RAB3C: variants seen among roughly 807,000 people sequenced by gnomAD.
The protein encoded by RAB3C is ras-related protein Rab-3C.
Under a neutral mutation model 26.4 loss-of-function variants are expected in RAB3C, and 17 were observed. The ratio of observed to expected loss-of-function variants is 0.64; its 90% CI spans 0.44 to 0.97. RAB3C has a LOEUF of 0.97. Among genes scored for constraint, RAB3C ranks in the 50% least tolerant of loss-of-function variants. The pLI is 0.00. For missense variants in RAB3C, 242 were observed against 281.9 expected (o/e 0.86, Z 1.01); for synonymous variants, 91 against 95.9 (o/e 0.95, Z 0.30).
chr5:58,665,490 T>G (rs1275280178), intron 2 of RAB3C, among the ~76,000 whole-genome samples: 1 of 152,144 alleles, frequency 6.6e-6, no homozygotes, highest in Non-Finnish European at 1.5e-5. Context: ...CAGAAAACAC[T>G]ACATCTTGGG....
rs984581265 is a variant in RAB3C, at chr5:58,685,720, A to G, written c.253-40282A>G. ...CTTACCAGACTGTTATTGAGTATCT[A>G]CTATGAGCTAGGCATTCTTCTAGGA... On this transcript the variant is annotated intron_variant, in intron 2 of 4. Coordinates refer to ENST00000282878, the MANE Select transcript of RAB3C (RefSeq NM_138453.4). 3.3e-5 allele frequency among the ~76,000 whole-genome samples: 5 copies of G among 152,180 alleles called. No homozygotes were observed. The South Asian group carries it at 6.2e-4, about 19-fold the overall frequency.
intron 1 of RAB3C, among the ~76,000 whole-genome samples, chr5:58,605,715 T>C (rs1263214560): frequency 1.3e-5 from 2 of 152,134 alleles, no homozygotes; most frequent in East Asian, 1.9e-4. Flanking sequence ...TTGGCCAACA[T>C]AGTGAAACCC....
chr5:58,789,148 C>G (rs763925175), intron 3 of RAB3C, among the ~76,000 whole-genome samples: 4 of 151,976 alleles, frequency 2.6e-5, no homozygotes, highest in Non-Finnish European at 5.9e-5. Context: ...TAAGCCAGGC[C>G]TTGGTGGGGA....
chr5:58,713,898 G>A (rs1017924505), intron 2 of RAB3C, among the ~76,000 whole-genome samples: 1 of 152,146 alleles, frequency 6.6e-6, no homozygotes, highest in Admixed American at 6.6e-5. Flanking sequence ...TTAAAATGAG[G>A]TTAAAGTAGC....
chr5:58,767,357 C>T (rs1741928725), intron 3 of RAB3C, among the ~76,000 whole-genome samples: 1 of 152,118 alleles, frequency 6.6e-6, no homozygotes, highest in Admixed American at 6.5e-5. Flanking sequence ...TTCTGGCAGC[C>T]ACCCAGCCAC....
intron 3 of RAB3C, among the ~76,000 whole-genome samples, chr5:58,797,396 T>TATACAC (rs1561133620): frequency 2.6e-5 from 3 of 116,816 alleles, no homozygotes; most frequent in African/African-American, 1.1e-4. Context: ...TATATATATA[T>TATACAC]ACACAGAGAG....
chr5:58,756,373 TAACTACTATATAAC>T (rs1741661492), intron 3 of RAB3C, among the ~76,000 whole-genome samples: 13 of 129,016 alleles, frequency 1.0e-4, no homozygotes, highest in African/African-American at 3.5e-4. Context: ...CATATATATA[TAACTACTATATAAC>T]ATATATATAT....
At chr5:58,643,973 A>T (rs897117207) in intron 2 of RAB3C, among the ~76,000 whole-genome samples, 5 of 152,016 alleles carry the variant, frequency 3.3e-5, no homozygotes, top group African/African-American at 7.2e-5. Context: ...GGCACCTGCC[A>T]TGATGCCTGA....
chr5:58,745,169 G>A (rs1259331127), intron 3 of RAB3C, among the ~76,000 whole-genome samples: 2 of 151,820 alleles, frequency 1.3e-5, no homozygotes, highest in African/African-American at 4.8e-5. Flanking sequence ...AGGCCAAGAC[G>A]GGTGGATCAC....
chr5:58,594,155 A>G (rs567854200), intron 1 of RAB3C, among the ~76,000 whole-genome samples: 1 of 152,340 alleles, frequency 6.6e-6, no homozygotes, highest in South Asian at 2.1e-4. Context: ...GGCTTGGATG[A>G]TAGAGAAACT....
At chr5:58,706,679 T>C (rs1393109980) in intron 2 of RAB3C, among the ~76,000 whole-genome samples, 1 of 152,168 alleles carries the variant, frequency 6.6e-6, no homozygotes, top group East Asian at 1.9e-4. Context: ...TGTGTTCTTG[T>C]GGTTGTGTAA....
chr5:58,788,031 C>T (rs1437262214), intron 3 of RAB3C, among the ~76,000 whole-genome samples: 1 of 152,172 alleles, frequency 6.6e-6, no homozygotes, highest in Non-Finnish European at 1.5e-5. Flanking sequence ...GAACAGAGAG[C>T]GAGAGGGCAG....
intron 4 of RAB3C, among the ~76,000 whole-genome samples, chr5:58,849,981 CAGA>C (rs2112089905): frequency 6.6e-6 from 1 of 152,246 alleles, no homozygotes; most frequent in East Asian, 1.9e-4. Context: ...CAGATGTAAC[CAGA>C]AGGATTTATA....
intron 2 of RAB3C, among the ~76,000 whole-genome samples, chr5:58,695,211 T>C (rs1217042421): frequency 6.6e-6 from 1 of 152,256 alleles, no homozygotes; most frequent in Non-Finnish European, 1.5e-5. Flanking sequence ...TTTTGTCAGA[T>C]TTGTCAAAGA....
intron 1 of RAB3C, among the ~76,000 whole-genome samples, chr5:58,587,006 C>G (rs1391759445): frequency 1.3e-5 from 2 of 152,066 alleles, no homozygotes; most frequent in African/African-American, 4.8e-5. Context: ...ACATGTAGTC[C>G]TCATCCTTTA....
chr5:58,716,375 A>AT lies in RAB3C; in HGVS notation c.253-9627_253-9626insT, dbSNP rs1749174383. ...CAAACAGAAAGCCAAAGTAAAAAAA[A>AT]CTATAACCTAACTTCTTCACTATTC... On this transcript the variant is annotated intron_variant, in intron 2 of 4. Transcript: ENST00000282878. Among the ~76,000 whole-genome samples, 2 of 152,144 alleles carry AT rather than the reference A, an allele frequency of 1.3e-5. 1 individual carries two copies. Among genetic ancestry groups the AT allele is most frequent in the South Asian group, 4.1e-4 (2 of 4,830 alleles).
intron 4 of RAB3C, chr5:58,848,365 A>G (rs1744047353): frequency 6.6e-6 from 1 of 152,216 alleles, no homozygotes; most frequent in Admixed American, 6.5e-5. Flanking sequence ...GTATATTGTG[A>G]TTGTTAATTA....
intron 3 of RAB3C, among the ~76,000 whole-genome samples, chr5:58,777,597 T>G (rs1462623877): frequency 1.4e-5 from 2 of 144,424 alleles, no homozygotes; most frequent in Non-Finnish European, 3.0e-5. Context: ...AGACCATGTT[T>G]TTTTTTTTTT....
intron 3 of RAB3C, among the ~76,000 whole-genome samples, chr5:58,802,551 G>T (rs1042605660): frequency 1.8e-4 from 27 of 152,192 alleles, no homozygotes; most frequent in African/African-American, 6.3e-4. Context: ...ACCGTTCTTA[G>T]AAGTAGGTAT....
Sources: gnomAD v4.1 joint callset for allele counts (sites outside exome capture counted in the v4.1 genomes callset) on GRCh38, gnomAD v4.1.1 for gene constraint, MANE v1.5 for transcripts, NCBI Gene and HGNC (gene_info 2026-07-23, HGNC 2026-07-21) for gene names.